Variants in GNPTAB observed in about 807,000 individuals in gnomAD.
The protein encoded by GNPTAB is N-acetylglucosamine-1-phosphotransferase subunits alpha/beta.
Under a neutral mutation model 136.6 loss-of-function variants are expected in GNPTAB, and 92 were observed. The observed-to-expected ratio is 0.67, with a 90% CI of 0.57 to 0.80. The LOEUF (loss-of-function observed/expected upper bound fraction) is 0.80, where lower values mean the gene tolerates loss of function less well. Ranked by LOEUF, GNPTAB falls within the 30% of genes least tolerant of loss-of-function variation. The probability of loss-of-function intolerance (pLI) is 0.00; values close to 1 mark genes in which losing one functional copy is unlikely to be tolerated. For synonymous variants in GNPTAB, 512 were observed against 535.1 expected (o/e 0.96, Z 0.60); for missense variants, 1,343 against 1,501.8 (o/e 0.89, Z 1.75).
At chr12:101,808,903 G>C (rs1870080837) in intron 1 of GNPTAB, among the ~76,000 whole-genome samples, 1 of 152,194 alleles carries the variant, frequency 6.6e-6, no homozygotes, top group African/African-American at 2.4e-5. Flanking sequence ...AGCCAAGATT[G>C]CATCATTGCA....
intron 5 of GNPTAB, among the ~76,000 whole-genome samples, chr12:101,785,124 G>A (rs571847216): frequency 3.3e-5 from 5 of 152,332 alleles, no homozygotes; most frequent in Non-Finnish European, 5.9e-5. Context: ...GTGCCAGCAC[G>A]CTTGGGTTTT....
At chr12:101,808,909 T>C (rs150736070) in intron 1 of GNPTAB, among the ~76,000 whole-genome samples, 52 of 152,304 alleles carry the variant, frequency 3.4e-4, no homozygotes, top group African/African-American at 1.2e-3. Flanking sequence ...GATTGCATCA[T>C]TGCACTTCAG....
In GNPTAB at chr12:101,781,632, C is replaced by T. The variant is rs1953346585; in HGVS notation, c.572-1011G>A. 2.0e-5 allele frequency among the ~76,000 whole-genome samples: 3 copies of T among 152,076 alleles called. No individual in the cohort carries two copies. The South Asian group carries it at 6.2e-4, about 32-fold the overall frequency. On this transcript the variant is annotated intron_variant, in intron 5 of 20. Coordinates refer to ENST00000299314, the MANE Select transcript of GNPTAB (RefSeq NM_024312.5). ...CCCCGGAGTTGGGGCTGTGGTGAGC[C>T]ATGATCATGCCACTGCACTCTAGCC...
intron 7 of GNPTAB, among the ~76,000 whole-genome samples, chr12:101,772,161 T>C (rs1953186725): frequency 6.6e-6 from 1 of 152,250 alleles, no homozygotes; most frequent in Admixed American, 6.5e-5. Flanking sequence ...TTTTCTGTTC[T>C]GACTCTGTAT....
chr12:101,825,541 A>C (rs554641782), intron 1 of GNPTAB, among the ~76,000 whole-genome samples: 97 of 152,316 alleles, frequency 6.4e-4, no homozygotes, highest in African/African-American at 2.2e-3. Flanking sequence ...ACTGGGTACC[A>C]ATCACTTTCT....
rs1594204332 is a variant in GNPTAB at position 101,753,671 on chromosome 12, C to A, written c.3435-132G>T. Reference sequence around the variant, plus strand: ...TTGGTATATTTGCTGATATGATTCTCTGGGGGAATGATATTCTATAAAATT... The same window carrying A: ...TTGGTATATTTGCTGATATGATTCTATGGGGGAATGATATTCTATAAAATT... On this transcript the variant is annotated intron_variant, in intron 18 of 20. Coordinates refer to ENST00000299314, the MANE Select transcript of GNPTAB (RefSeq NM_024312.5). The A allele has an allele frequency of 6.6e-6, 5 of 762,138 alleles. No individual in the cohort carries two copies. In the East Asian group the frequency reaches 1.3e-4, roughly 20 times the overall value. The allele number at this position is 762,138 out of a possible 1,614,324, so 47.2% of individuals were successfully genotyped here. A position where few individuals can be genotyped will look rare whatever the true frequency, so the allele number is the denominator to read the frequency against.
chr12:101,799,728 A>G (rs58546699), intron 1 of GNPTAB, among the ~76,000 whole-genome samples: 106,294 of 151,824 alleles, frequency 0.7, 38,988 homozygotes, highest in African/African-American at 0.92. Context: ...CTTGCCAGTA[A>G]GTACTTCTAT....
chr12:101,830,200 C>G (rs1594269455), intron 1 of GNPTAB, among the ~76,000 whole-genome samples: 1 of 152,192 alleles, frequency 6.6e-6, no homozygotes, highest in African/African-American at 2.4e-5. Context: ...CCAGACCAAC[C>G]TGGGCAACAT....
chr12:101,830,048 GA>G (rs1871288875), intron 1 of GNPTAB, among the ~76,000 whole-genome samples: 1 of 149,282 alleles, frequency 6.7e-6, no homozygotes, highest in Non-Finnish European at 1.5e-5. Flanking sequence ...TAAAACTAAG[GA>G]ACAGATTTCA....
chr12:101,761,259 G>A lies in GNPTAB; in HGVS notation c.3003C>T (p.Leu1001=). Residue 1001 remains leucine, a synonymous_variant, in exon 15 of 21, where the codon CTC becomes CTT. Coordinates refer to ENST00000299314, the MANE Select transcript of GNPTAB (RefSeq NM_024312.5). Reference sequence around the variant, plus strand: ...TATTCAGTGGCTGCACTGCACTCATGAGATAATAAAAATAAGAGAAGGCAA... The same window carrying A: ...TATTCAGTGGCTGCACTGCACTCATAAGATAATAAAAATAAGAGAAGGCAA... ...MQFAFSYFYY[L]MSAVQPLNIS... 1 of 1,613,954 alleles carries A rather than the reference G, an allele frequency of 6.2e-7. No individual in the cohort carries two copies. Among genetic ancestry groups the A allele is most frequent in the Non-Finnish European group, 8.5e-7 (1 of 1,179,822 alleles).
Position 101,746,034 on chromosome 12 carries a change from AAAC to A in GNPTAB, c.*1127_*1129del, listed in dbSNP as rs371050894. The A allele has an allele frequency of 2.2e-4, 34 of 152,440 alleles. No individual in the cohort carries two copies. The highest frequency in any genetic ancestry group is 3.2e-4 in the Non-Finnish European group (22 of 68,220). 9.4% of individuals were successfully genotyped at this position (152,440 alleles called of 1,614,324 possible). ...GCAACAGAGAGAGACTCTGTCTCAA[AAAC>A]AACAACAACAACAACAACAAAAACT... On this transcript the variant is annotated 3_prime_UTR_variant, in exon 21 of 21. Transcript: ENST00000299314.
At position 101,747,407 on chromosome 12, in the gene GNPTAB, A is replaced by G. The variant is rs1401354804; in HGVS notation, c.3694-166T>C. On this transcript the variant is annotated intron_variant, in intron 20 of 20. Transcript: ENST00000299314. ...CATTCCTCTTCCAAAACAAAAACAA[A>G]TATTAGTTTTGTTTAGCTTTGTAGG... 2.6e-5 allele frequency among the ~76,000 whole-genome samples: 4 copies of G among 152,204 alleles called. No individual in the cohort carries two copies. In the South Asian group the frequency reaches 8.3e-4, roughly 32 times the overall value.
At chr12:101,808,375 T>TTA (rs1555274393) in intron 1 of GNPTAB, among the ~76,000 whole-genome samples, 3 of 106,716 alleles carry the variant, frequency 2.8e-5, no homozygotes, top group Non-Finnish European at 3.9e-5. Context: ...CCCGGGCAAT[T>TTA]AAAAAAAAAA....
Position 101,745,549 on chromosome 12 carries a change from C to T in GNPTAB, c.*1615G>A, listed in dbSNP as rs148580184. ...AGATTTCAGTTTTTGAAATACACAA[C>T]TCTTACAGCACAAACACAGTATTTA... On this transcript the variant is annotated 3_prime_UTR_variant, in exon 21 of 21. Transcript: ENST00000299314. 1.3e-5 allele frequency: 2 copies of T among 152,228 alleles called. No homozygotes were observed. Among genetic ancestry groups the T allele is most frequent in the Admixed American group, 1.3e-4 (2 of 15,284 alleles). 9.4% of individuals were successfully genotyped at this position (152,228 alleles called of 1,614,324 possible).
intron 1 of GNPTAB, among the ~76,000 whole-genome samples, chr12:101,806,033 T>C (rs899408689): frequency 1.3e-5 from 2 of 152,308 alleles, no homozygotes; most frequent in South Asian, 2.1e-4. Context: ...GTTTAAAACA[T>C]AGTAACTTAA....
intron 1 of GNPTAB, among the ~76,000 whole-genome samples, chr12:101,824,397 A>AATTTCACCATATAT: frequency 1.1e-5 from 1 of 93,652 alleles, no homozygotes; most frequent in Non-Finnish European, 2.0e-5. Context: ...TCCTGCCAGA[A>AATTTCACCATATAT]ATTTCACCAT....
At chr12:101,771,194 G>A (rs768400763) in intron 7 of GNPTAB, 37 bp from the exon 8 acceptor site, 1 of 1,538,292 alleles carries the variant, frequency 6.5e-7, no homozygotes, top group Non-Finnish European at 9.0e-7. Flanking sequence ...TGAAAAGACT[G>A]AATCTCAAGG....
intron 2 of GNPTAB, 101 bp from the exon 3 acceptor site, chr12:101,790,158 C>G (rs1379167461): frequency 6.6e-7 from 1 of 1,518,754 alleles, no homozygotes; most frequent in African/African-American, 1.4e-5. Context: ...TGAAAAAAAT[C>G]TCTGAAGAAG....
chr12:101,769,215 G>A (rs1566076898), intron 10 of GNPTAB, among the ~76,000 whole-genome samples: 1 of 152,184 alleles, frequency 6.6e-6, no homozygotes, highest in Non-Finnish European at 1.5e-5. Flanking sequence ...AAAACACAGA[G>A]GTAGAGCCAC....
Sources: gnomAD v4.1 joint callset for allele counts (sites outside exome capture counted in the v4.1 genomes callset) on GRCh38, gnomAD v4.1.1 for gene constraint, MANE v1.5 for transcripts, NCBI Gene and HGNC (gene_info 2026-07-23, HGNC 2026-07-21) for gene names.